The following EBF1 variants were observed in gnomAD, a reference collection of about 807,000 sequenced individuals.
EBF1 encodes the protein transcription factor COE1.
EBF1 carries 10 observed loss-of-function variants against 68.4 expected under a neutral mutation model. That is an observed-to-expected ratio of 0.15 (90% CI 0.09 to 0.25). EBF1 has a LOEUF of 0.25. Ranked by LOEUF, EBF1 falls within the 10% of genes least tolerant of loss-of-function variation. EBF1 has a pLI of 1.00. For missense variants in EBF1, 509 were observed against 794.4 expected (o/e 0.64, Z 4.32); for synonymous variants, 298 against 299.8 (o/e 0.99, Z 0.06).
At chr5:158,784,678 C>T (rs994704799) in intron 9 of EBF1, among the ~76,000 whole-genome samples, 1 of 152,032 alleles carries the variant, frequency 6.6e-6, no homozygotes, top group Non-Finnish European at 1.5e-5. Flanking sequence ...ACCTTAATCA[C>T]CTTCAACACT....
chr5:158,905,036 T>A (rs755241383), intron 6 of EBF1, among the ~76,000 whole-genome samples: 1 of 152,234 alleles, frequency 6.6e-6, no homozygotes, highest in Non-Finnish European at 1.5e-5. Context: ...ATTCTGTTTA[T>A]CATCCCAGCT....
chr5:159,053,921 C>T (rs187966794), intron 6 of EBF1, among the ~76,000 whole-genome samples: 34 of 152,316 alleles, frequency 2.2e-4, no homozygotes, highest in Middle Eastern at 6.8e-3. Flanking sequence ...GGATAAGGAC[C>T]TCGCCTTAGG....
chr5:158,837,659 T>G (rs1389891639), intron 7 of EBF1, among the ~76,000 whole-genome samples: 2 of 152,214 alleles, frequency 1.3e-5, no homozygotes, highest in Admixed American at 6.5e-5. Flanking sequence ...TTTCTCATCT[T>G]GTATAACAGG....
At chr5:158,823,397 A>G in intron 7 of EBF1, 80 bp from the exon 8 acceptor site, 1 of 1,367,434 alleles carries the variant, frequency 7.3e-7, no homozygotes, top group East Asian at 2.5e-5. Context: ...AATAAATAAC[A>G]GCTGGGAGCT....
At chr5:158,920,927 A>G (rs940004795) in intron 6 of EBF1, among the ~76,000 whole-genome samples, 7 of 152,218 alleles carry the variant, frequency 4.6e-5, no homozygotes, top group Admixed American at 3.9e-4. Flanking sequence ...TTGCCTAAAA[A>G]TCTGCATGTT....
In EBF1 at chr5:158,823,260, T is replaced by A. The variant is rs112505494; in HGVS notation, c.694A>T (p.Met232Leu). The change falls in exon 8 of 16, where the codon ATG becomes TTG. Residue 232 changes from methionine to leucine, a missense_variant. Coordinates refer to ENST00000313708, the MANE Select transcript of EBF1 (RefSeq NM_024007.5). Reference sequence around the variant, plus strand: ...TGCTTGGAATTATTATGGACAAACATGTTATCAGAGACTGCCAGGACATGG... The same window carrying A: ...TGCTTGGAATTATTATGGACAAACAAGTTATCAGAGACTGCCAGGACATGG... ...DGHVLAVSDNMFVHNNSKHGR... is the reference protein window; with the variant it reads ...DGHVLAVSDNLFVHNNSKHGR... 1 of 1,613,930 alleles carries A rather than the reference T, an allele frequency of 6.2e-7. No homozygotes were observed.
intron 6 of EBF1, among the ~76,000 whole-genome samples, chr5:159,044,327 A>G (rs1349213413): frequency 1.3e-5 from 2 of 152,126 alleles, no homozygotes; most frequent in Admixed American, 1.3e-4. Context: ...CTTTTGAAGG[A>G]CCCCAAGTTA....
intron 6 of EBF1, among the ~76,000 whole-genome samples, chr5:158,854,574 G>C (rs904405312): frequency 2.0e-5 from 3 of 152,166 alleles, no homozygotes; most frequent in Admixed American, 2.0e-4. Flanking sequence ...GTTCACAGCT[G>C]GATTTCCCAG....
At chr5:158,848,958 C>T (rs1792076454) in intron 6 of EBF1, among the ~76,000 whole-genome samples, 1 of 152,168 alleles carries the variant, frequency 6.6e-6, no homozygotes, top group East Asian at 1.9e-4. Context: ...TGTTCGTTGT[C>T]ACACATTCAT....
At chr5:158,812,476 C>T (rs988281270) in intron 8 of EBF1, among the ~76,000 whole-genome samples, 1 of 152,120 alleles carries the variant, frequency 6.6e-6, no homozygotes, top group East Asian at 1.9e-4. Context: ...GGGCTCTAAT[C>T]ATGCAAGGAC....
At position 158,976,221 on chromosome 5, in the gene EBF1, T is replaced by G. The variant is rs189587410; in HGVS notation, c.554+97175A>C. Among the ~76,000 whole-genome samples the G allele has an allele frequency of 7.2e-5, 11 of 152,218 alleles. No individual in the cohort carries two copies. The East Asian group carries it at 7.7e-4, about 11-fold the overall frequency. Reference sequence around the variant, plus strand: ...CTCCTGTAATGTTACAAAAAGAATCTAAATAACTCAAGGGCTCCCAAGCCT... The same window carrying G: ...CTCCTGTAATGTTACAAAAAGAATCGAAATAACTCAAGGGCTCCCAAGCCT... On this transcript the variant is annotated intron_variant, in intron 6 of 15. Transcript: ENST00000313708.
intron 6 of EBF1, among the ~76,000 whole-genome samples, chr5:158,940,760 A>T (rs865984242): frequency 1.4e-4 from 1 of 7,022 alleles, no homozygotes; most frequent in African/African-American, 3.9e-4. Flanking sequence ...CCTTCACCCC[A>T]CCGCCCCCCC....
At chr5:158,950,851 G>A (rs1300523735) in intron 6 of EBF1, among the ~76,000 whole-genome samples, 2 of 152,190 alleles carry the variant, frequency 1.3e-5, no homozygotes, top group Non-Finnish European at 2.9e-5. Context: ...GAAACTTCCA[G>A]GCAGGTGAGG....
At chr5:158,912,223 C>T (rs1806141064) in intron 6 of EBF1, among the ~76,000 whole-genome samples, 1 of 152,248 alleles carries the variant, frequency 6.6e-6, no homozygotes, top group South Asian at 2.1e-4. Flanking sequence ...TCTGCACAAA[C>T]ATTGCAAATT....
At chr5:158,937,499 T>C (rs1353434356) in intron 6 of EBF1, among the ~76,000 whole-genome samples, 1 of 152,026 alleles carries the variant, frequency 6.6e-6, no homozygotes, top group Non-Finnish European at 1.5e-5. Context: ...GAGGATCAAA[T>C]ACTCTCCCTG....
intron 6 of EBF1, chr5:159,018,849 C>T (rs906304888): frequency 1.3e-5 from 2 of 152,174 alleles, no homozygotes; most frequent in South Asian, 4.1e-4. Flanking sequence ...TCACAGAGTA[C>T]CCCTTTTCAA....
At chr5:158,778,947 CT>C (rs963977783) in intron 9 of EBF1, among the ~76,000 whole-genome samples, 4 of 151,352 alleles carry the variant, frequency 2.6e-5, no homozygotes, top group East Asian at 1.9e-4. Context: ...GCTTCTTTGT[CT>C]TTTTTTTTCC....
At chr5:158,982,481 G>T (rs1260569480) in intron 6 of EBF1, among the ~76,000 whole-genome samples, 2 of 152,152 alleles carry the variant, frequency 1.3e-5, no homozygotes, top group African/African-American at 4.8e-5. Flanking sequence ...TTACCTGAGG[G>T]CCATAACTTT....
chr5:158,749,751 A>G (rs1343091239), intron 10 of EBF1, among the ~76,000 whole-genome samples: 1 of 152,106 alleles, frequency 6.6e-6, no homozygotes, highest in Non-Finnish European at 1.5e-5. Flanking sequence ...ACACGGCAGG[A>G]ATATTTTCTT....
Sources: allele counts gnomAD v4.1 joint callset (sites outside exome capture counted in the v4.1 genomes callset), GRCh38; gene constraint gnomAD v4.1.1; transcripts MANE v1.5; gene names NCBI Gene and HGNC (gene_info 2026-07-23, HGNC 2026-07-21).